The following RXFP2 variants were observed in gnomAD, a reference collection of about 807,000 sequenced individuals.
RXFP2 encodes the protein relaxin family peptide receptor 2.
RXFP2 carries 68 observed loss-of-function variants against 88.6 expected under a neutral mutation model. The ratio of observed to expected loss-of-function variants is 0.77; its 90% confidence interval spans 0.63 to 0.94. The LOEUF is 0.94. Ranked by LOEUF, RXFP2 falls within the 40% of genes least tolerant of loss-of-function variation. The pLI is 0.00. For synonymous variants in RXFP2, 329 were observed against 306.8 expected (o/e 1.07, Z -0.76); for missense variants, 791 against 893.9 (o/e 0.88, Z 1.47).
intron 3 of RXFP2, 31 bp from the exon 4 acceptor site, chr13:31,765,006 T>C (rs1779858958): frequency 1.8e-6 from 2 of 1,106,240 alleles, no homozygotes; most frequent in East Asian, 2.4e-5. Context: ...ATTTGTTTAC[T>C]AGTGAAATCT....
At chr13:31,747,491 G>A (rs1871475833) in intron 1 of RXFP2, among the ~76,000 whole-genome samples, 1 of 152,208 alleles carries the variant, frequency 6.6e-6, no homozygotes, top group South Asian at 2.1e-4. Context: ...TTTGGCCTAA[G>A]CTTCTGACAT....
At chr13:31,799,501 C>T (rs1401182042) in intron 17 of RXFP2, among the ~76,000 whole-genome samples, 1 of 152,110 alleles carries the variant, frequency 6.6e-6, no homozygotes, top group East Asian at 1.9e-4. Context: ...AAGCGTGAAC[C>T]ACCAAGCCTG....
intron 5 of RXFP2, among the ~76,000 whole-genome samples, chr13:31,771,924 G>A (rs567289001): frequency 8.3e-4 from 126 of 152,020 alleles, no homozygotes; most frequent in African/African-American, 2.8e-3. Flanking sequence ...AATATTCACA[G>A]TGGAGTTGAG....
chr13:31,768,251 T>C (rs1028710579), intron 5 of RXFP2, among the ~76,000 whole-genome samples: 75 of 152,214 alleles, frequency 4.9e-4, no homozygotes, highest in African/African-American at 1.6e-3. Context: ...ATTTGATGAT[T>C]TGCAGGCAAT....
chr13:31,764,960 A>G (rs1018520294), intron 3 of RXFP2, 77 bp from the exon 4 acceptor site: 1 of 797,290 alleles, frequency 1.3e-6, no homozygotes, highest in East Asian at 2.5e-5. Context: ...AAAAGAAAAC[A>G]ATATCAGTTA....
Position 31,802,386 on chromosome 13 carries a change from T to A in RXFP2, c.2246T>A (p.Ile749Lys), listed in dbSNP as rs987156666. 1 of 1,614,102 alleles carries A rather than the reference T, an allele frequency of 6.2e-7. No homozygotes were observed. The highest frequency in any genetic ancestry group is 8.5e-7 in the Non-Finnish European group (1 of 1,180,018). The change falls in exon 18 of 18, where the codon ATA (isoleucine) becomes AAA (lysine). Residue 749 changes from isoleucine to lysine, a missense_variant. Coordinates refer to ENST00000298386, the MANE Select transcript of RXFP2 (RefSeq NM_130806.5). ...AACAAAATAACACTTGGAGACAGTA[T>A]AATGAAACCAGTTTCCTAGCAATCA... ...VLNKITLGDS[I>K]MKPVS is the part of the protein sequence containing the mutation.
At chr13:31,785,255 G>A (rs763861909) in intron 11 of RXFP2, among the ~76,000 whole-genome samples, 1 of 151,964 alleles carries the variant, frequency 6.6e-6, no homozygotes, top group African/African-American at 2.4e-5. Context: ...TGAAGTGCAC[G>A]CATGGCTTTC....
At position 31,781,721 on chromosome 13, in the gene RXFP2, C is replaced by A; in HGVS notation, c.836C>A (p.Ser279Ter). Residue 279 changes from serine (S) to a stop codon, truncating the protein, a stop_gained, in exon 10 of 18, where the codon TCG (serine) becomes TAG (stop). Coordinates refer to ENST00000298386, the MANE Select transcript of RXFP2 (RefSeq NM_130806.5). LOFTEE classifies it high-confidence loss of function. ...IKYLTNSTFL[S>*]CDSLTVLFLP... ...TATCTCACAAATTCTACGTTTCTGT[C>A]GTGCGATTCGCTCACAGTGCTGTAA... 1 of 1,611,706 alleles carries A rather than the reference C, an allele frequency of 6.2e-7. No homozygotes were observed. Among genetic ancestry groups the A allele is most frequent in the Non-Finnish European group, 8.5e-7 (1 of 1,178,296 alleles).
At chr13:31,770,500 C>T (rs1338631580) in intron 5 of RXFP2, among the ~76,000 whole-genome samples, 1 of 152,180 alleles carries the variant, frequency 6.6e-6, no homozygotes. Context: ...ATAGCCTTTC[C>T]ATTTGCTTCA....
intron 11 of RXFP2, among the ~76,000 whole-genome samples, chr13:31,783,478 T>C (rs1236210244): frequency 6.6e-6 from 1 of 151,498 alleles, no homozygotes; most frequent in Non-Finnish European, 1.5e-5. Context: ...CCCCATTCTT[T>C]ACACCTTATT....
At position 31,784,575 on chromosome 13, in the gene RXFP2, T is replaced by C. The variant is rs1003375961; in HGVS notation, c.930-1808T>C. On this transcript the variant is annotated intron_variant, in intron 11 of 17. Coordinates refer to ENST00000298386, the MANE Select transcript of RXFP2 (RefSeq NM_130806.5). ...TTATTGTCAGGCTCTCTCTGGCCTG[T>C]GTGCACCTGTGGTCTCCCTTCTGGG... Among the ~76,000 whole-genome samples, 3 of 152,314 alleles carry C rather than the reference T, an allele frequency of 2.0e-5. No individual in the cohort carries two copies. The East Asian group carries it at 5.8e-4, about 29-fold the overall frequency.
intron 17 of RXFP2, among the ~76,000 whole-genome samples, chr13:31,800,189 C>T (rs1874266014): frequency 6.6e-6 from 1 of 152,158 alleles, no homozygotes; most frequent in Non-Finnish European, 1.5e-5. Flanking sequence ...ACCCTGTCCC[C>T]ACCCTCCAAG....
intron 1 of RXFP2, among the ~76,000 whole-genome samples, chr13:31,740,073 T>C (rs1184395702): frequency 1.3e-5 from 2 of 152,178 alleles, no homozygotes; most frequent in African/African-American, 4.8e-5. Context: ...TGTTGAAATA[T>C]GCCCATAAAA....
At chr13:31,797,683 G>A (rs768955935) in intron 17 of RXFP2, among the ~76,000 whole-genome samples, 1 of 152,124 alleles carries the variant, frequency 6.6e-6, no homozygotes, top group African/African-American at 2.4e-5. Flanking sequence ...TTCTTCACTA[G>A]GAGTATGCAT....
chr13:31,794,366 CACCACA>C (rs1221032855), intron 16 of RXFP2, among the ~76,000 whole-genome samples: 10 of 78,742 alleles, frequency 1.3e-4, no homozygotes, highest in East Asian at 8.1e-4. Context: ...CTGAAACACA[CACCACA>C]CACACACACA....
chr13:31,800,995 G>C (rs1874308593), intron 17 of RXFP2, among the ~76,000 whole-genome samples: 1 of 151,952 alleles, frequency 6.6e-6, no homozygotes, highest in East Asian at 1.9e-4. Flanking sequence ...GGAGAGGAAA[G>C]AGATCAAAGG....
At chr13:31,792,077 G>T (rs1873820341) in intron 15 of RXFP2, 42 bp downstream of exon 15, 4 of 1,414,022 alleles carry the variant, frequency 2.8e-6, no homozygotes, top group Non-Finnish European at 4.0e-6. Flanking sequence ...GATATCTTCT[G>T]TGAGTTGTGC....
At chr13:31,752,500 G>C (rs546567027) in intron 1 of RXFP2, among the ~76,000 whole-genome samples, 29 of 152,222 alleles carry the variant, frequency 1.9e-4, no homozygotes, top group African/African-American at 5.8e-4. Flanking sequence ...ACACCATCCA[G>C]GCGGGGAGTA....
rs139752827 is a variant in RXFP2, at chr13:31,748,304, T to G, written c.94+8598T>G. 7.1e-3 allele frequency among the ~76,000 whole-genome samples: 1,085 copies of G among 152,308 alleles called. 16 individuals carry two copies. The highest frequency in any genetic ancestry group is 0.025 in the African/African-American group (1,040 of 41,550). ...CAATTTCAAACTTAGTAGATAATGATAAACTGTTTTCCAAAGCAGCTGTTC... is the reference window on the plus strand; with the variant it reads ...CAATTTCAAACTTAGTAGATAATGAGAAACTGTTTTCCAAAGCAGCTGTTC... On this transcript the variant is annotated intron_variant, in intron 1 of 17. Transcript: ENST00000298386.
Sources: gnomAD v4.1 joint callset for allele counts (sites outside exome capture counted in the v4.1 genomes callset) on GRCh38, gnomAD v4.1.1 for gene constraint, MANE v1.5 for transcripts, NCBI Gene and HGNC (gene_info 2026-07-23, HGNC 2026-07-21) for gene names.